Variants in CCDC7 observed in about 807,000 individuals in gnomAD.
CCDC7 encodes coiled-coil domain-containing protein 7.
In CCDC7, 183 loss-of-function variants were observed where a neutral mutation model predicts 196.9. The ratio of observed to expected loss-of-function variants is 0.93; its 90% CI spans 0.82 to 1.05. CCDC7 has a LOEUF of 1.05. Ranked by LOEUF, CCDC7 falls within the 50% of genes least tolerant of loss-of-function variation. The pLI, the probability that CCDC7 is intolerant of heterozygous loss-of-function variation, is 0.00. For missense variants in CCDC7, 1,540 were observed against 1,482.2 expected, an observed-to-expected ratio of 1.04 and a Z score of -0.64; for synonymous variants, 525 against 484.6, an observed-to-expected ratio of 1.08 and a Z score of -1.10.
At chr10:32,839,392 C>T (rs1478161314) in intron 33 of CCDC7, among the ~76,000 whole-genome samples, 2 of 151,784 alleles carry the variant, frequency 1.3e-5, no homozygotes, top group Non-Finnish European at 2.9e-5. Context: ...CTTAAACCAA[C>T]AGCGGTTAAA....
intron 28 of CCDC7, among the ~76,000 whole-genome samples, chr10:32,774,707 G>A (rs922552870): frequency 3.3e-5 from 5 of 152,086 alleles, no homozygotes; most frequent in African/African-American, 1.2e-4. Context: ...ACACCACTCT[G>A]TGATTTTCCT....
chr10:32,700,471 T>C (rs1404768340), intron 24 of CCDC7, among the ~76,000 whole-genome samples: 2 of 151,754 alleles, frequency 1.3e-5, no homozygotes, highest in Non-Finnish European at 2.9e-5. Flanking sequence ...TGTAGTATAG[T>C]TTGAAGTCAG....
intron 8 of CCDC7, among the ~76,000 whole-genome samples, chr10:32,478,825 G>A (rs1239657722): frequency 1.3e-5 from 2 of 152,210 alleles, no homozygotes; most frequent in South Asian, 4.1e-4. Flanking sequence ...CATAGAATGA[G>A]TCAGGAAATG....
At chr10:32,602,232 T>C (rs1476413386) in intron 18 of CCDC7, among the ~76,000 whole-genome samples, 2 of 151,956 alleles carry the variant, frequency 1.3e-5, no homozygotes, top group Non-Finnish European at 2.9e-5. Flanking sequence ...GGTCTGCGGC[T>C]TCACTCCTGA....
At chr10:32,610,413 TTTATTATTA>T (rs898315868) in intron 18 of CCDC7, among the ~76,000 whole-genome samples, 1 of 152,092 alleles carries the variant, frequency 6.6e-6, no homozygotes. Context: ...CCCAGATTTC[TTTATTATTA>T]TTATTATTTT....
chr10:32,799,385 A>G (rs2084313116), intron 29 of CCDC7, among the ~76,000 whole-genome samples: 1 of 152,134 alleles, frequency 6.6e-6, no homozygotes, highest in African/African-American at 2.4e-5. Flanking sequence ...TATGACCCAA[A>G]TGGCAGAGCA....
At chr10:32,705,920 A>G (rs2079654453) in intron 24 of CCDC7, among the ~76,000 whole-genome samples, 1 of 152,100 alleles carries the variant, frequency 6.6e-6, no homozygotes, top group African/African-American at 2.4e-5. Context: ...CGAGACAGAA[A>G]GTTAACAAGG....
chr10:32,845,687 TA>T, intron 35 of CCDC7, 61 bp downstream of exon 36: 1 of 1,459,102 alleles, frequency 6.9e-7, no homozygotes. Context: ...GGAGTTAAAT[TA>T]AGTGTGGACA....
At chr10:32,575,656 T>C (rs76061594) in intron 16 of CCDC7, among the ~76,000 whole-genome samples, 10,153 of 152,224 alleles carry the variant, frequency 0.067, 441 homozygotes, top group Middle Eastern at 0.092. Flanking sequence ...GTATGTACTT[T>C]GTATACCAAT....
rs544674863 is a variant in CCDC7, at chr10:32,840,872, A to G, written c.3353-4371A>G. 9.5e-4 allele frequency among the ~76,000 whole-genome samples: 145 copies of G among 152,086 alleles called. 1 individual carries two copies. The highest frequency in any genetic ancestry group is 1.9e-3 in the Non-Finnish European group (127 of 67,922). Reference sequence around the variant, plus strand: ...ACATATGCAAGTCAGTAAATGTGATACACCACATAAACAGAATTAAAGACA... The same window carrying G: ...ACATATGCAAGTCAGTAAATGTGATGCACCACATAAACAGAATTAAAGACA... On this transcript the variant is annotated intron_variant, in intron 33 of 41. Coordinates refer to ENST00000639629, the Ensembl canonical transcript of CCDC7.
intron 20 of CCDC7, among the ~76,000 whole-genome samples, chr10:32,653,686 A>G (rs987541184): frequency 2.6e-5 from 4 of 152,164 alleles, no homozygotes; most frequent in African/African-American, 7.2e-5. Context: ...TTTTCAGCCA[A>G]AGGAAAAATC....
chr10:32,859,404 G>A (rs2093884817), intron 41 of CCDC7, among the ~76,000 whole-genome samples: 1 of 152,174 alleles, frequency 6.6e-6, no homozygotes, highest in Non-Finnish European at 1.5e-5. Context: ...GAACCTCTGG[G>A]ACACATTTAA....
At chr10:32,708,962 C>T (rs2080307499) in intron 24 of CCDC7, among the ~76,000 whole-genome samples, 2 of 152,168 alleles carry the variant, frequency 1.3e-5, no homozygotes, top group Non-Finnish European at 2.9e-5. Flanking sequence ...CCAGCACTCC[C>T]ATTACTGGGT....
intron 20 of CCDC7, among the ~76,000 whole-genome samples, chr10:32,636,277 G>T (rs1264164202): frequency 6.6e-6 from 1 of 151,804 alleles, no homozygotes; most frequent in African/African-American, 2.4e-5. Flanking sequence ...TGTGCACAAC[G>T]TGCAGGTTTG....
chr10:32,513,433 C>T (rs1465076070), intron 9 of CCDC7: 1 of 151,562 alleles, frequency 6.6e-6, no homozygotes, highest in Non-Finnish European at 1.5e-5. Context: ...GAGTTAATAC[C>T]AGGCCTGTAC....
intron 25 of CCDC7, among the ~76,000 whole-genome samples, chr10:32,715,006 T>C (rs183088401): frequency 6.6e-6 from 1 of 152,340 alleles, no homozygotes; most frequent in Non-Finnish European, 1.5e-5. Context: ...CTGCTGGCTT[T>C]GAAGAGAGCA....
intron 29 of CCDC7, among the ~76,000 whole-genome samples, chr10:32,790,889 C>T (rs1238097973): frequency 6.6e-6 from 1 of 152,186 alleles, no homozygotes; most frequent in Non-Finnish European, 1.5e-5. Flanking sequence ...CACAGGACCC[C>T]AATTTTACAG....
At chr10:32,629,673 G>T (rs1434903593) in intron 18 of CCDC7, among the ~76,000 whole-genome samples, 1 of 152,038 alleles carries the variant, frequency 6.6e-6, no homozygotes, top group African/African-American at 2.4e-5. Context: ...AGAAGAAGGT[G>T]CAGGGAGTAG....
chr10:32,810,637 GAGTTTAAACATC>G (rs1353409029), intron 30 of CCDC7, among the ~76,000 whole-genome samples: 1 of 151,956 alleles, frequency 6.6e-6, no homozygotes, highest in Non-Finnish European at 1.5e-5. Flanking sequence ...AAGAAACATT[GAGTTTAAACATC>G]AGTTTAAACC....
Sources: allele counts gnomAD v4.1 joint callset (sites outside exome capture counted in the v4.1 genomes callset), GRCh38; gene constraint gnomAD v4.1.1; transcripts MANE v1.5; gene names NCBI Gene and HGNC (gene_info 2026-07-23, HGNC 2026-07-21).